Variants in PLXNC1 observed in about 807,000 individuals in gnomAD.
The protein encoded by PLXNC1 is plexin C1, also known as plexin-C1.
PLXNC1 carries 75 observed loss-of-function variants against 178.2 expected under a neutral mutation model. The observed-to-expected ratio is 0.42, with a 90% CI of 0.35 to 0.51. The LOEUF (loss-of-function observed/expected upper bound fraction) is 0.51, where lower values mean the gene tolerates loss of function less well. PLXNC1 is among the 20% of genes least tolerant of loss of function. The pLI is 0.02. For synonymous variants in PLXNC1, 790 were observed against 779.9 expected (o/e 1.01, Z -0.22); for missense variants, 1,503 against 1,984.4 (o/e 0.76, Z 4.61).
intron 9 of PLXNC1, among the ~76,000 whole-genome samples, chr12:94,229,032 G>C (rs904678649): frequency 1.3e-5 from 2 of 152,104 alleles, no homozygotes; most frequent in Non-Finnish European, 2.9e-5. Context: ...CAGTGCACAA[G>C]GGTTCCAGTT....
chr12:94,287,181 T>C (rs1171079830), intron 23 of PLXNC1, among the ~76,000 whole-genome samples: 1 of 152,258 alleles, frequency 6.6e-6, no homozygotes, highest in Non-Finnish European at 1.5e-5. Flanking sequence ...TCCAGTGTCA[T>C]TCTGTCCTGT....
intron 9 of PLXNC1, among the ~76,000 whole-genome samples, chr12:94,235,081 C>T (rs561420025): frequency 6.6e-6 from 1 of 152,080 alleles, no homozygotes; most frequent in Non-Finnish European, 1.5e-5. Flanking sequence ...AGAGGTTCCA[C>T]CAGCAAACAA....
chr12:94,292,842 T>C (rs944492479), intron 23 of PLXNC1, among the ~76,000 whole-genome samples: 1 of 152,250 alleles, frequency 6.6e-6, no homozygotes, highest in Non-Finnish European at 1.5e-5. Context: ...TGGAGCATTT[T>C]GAATTTTCGG....
At chr12:94,160,071 G>C (rs17022088) in intron 1 of PLXNC1, among the ~76,000 whole-genome samples, 26,637 of 152,090 alleles carry the variant, frequency 0.18, 2,411 homozygotes, top group East Asian at 0.3. Flanking sequence ...TGCTAAGTAG[G>C]GAGTTGGCAA....
chr12:94,168,040 A>G (rs1961687658), intron 1 of PLXNC1: 1 of 152,230 alleles, frequency 6.6e-6, no homozygotes, highest in African/African-American at 2.4e-5. Context: ...ATAAGACATA[A>G]ATTGAAAGAC....
intron 21 of PLXNC1, among the ~76,000 whole-genome samples, chr12:94,273,839 G>GC (rs1965736486): frequency 6.6e-6 from 1 of 152,148 alleles, no homozygotes; most frequent in African/African-American, 2.4e-5. Flanking sequence ...AACTAAGGAT[G>GC]CCTGAAATAG....
intron 2 of PLXNC1, among the ~76,000 whole-genome samples, chr12:94,171,437 C>T (rs1366286044): frequency 1.3e-5 from 2 of 152,168 alleles, no homozygotes; most frequent in Non-Finnish European, 2.9e-5. Flanking sequence ...CGAATTCAGT[C>T]CTCTCCATGA....
Position 94,303,789 on chromosome 12 carries a change from G to A in PLXNC1, c.4420G>A (p.Asp1474Asn), listed in dbSNP as rs1968726936. 6.3e-7 allele frequency: 1 copy of A among 1,596,564 alleles called. No homozygotes were observed. Among genetic ancestry groups the A allele is most frequent in the Non-Finnish European group, 8.5e-7 (1 of 1,173,676 alleles). ...APTNKLLYAK[D>N]IPTYKEEVKS... ...AACTAATAAGCTTCTCTATGCCAAG[G>A]ATATCCCAACCTACAAAGAAGAAGT... Residue 1474 changes from aspartate to asparagine, a missense_variant, in exon 29 of 31, where the codon GAT (aspartate) becomes AAT (asparagine). Asp to Asn is a conservative substitution (Grantham distance 23). Around this residue, in one of 4 missense-constraint regions of PLXNC1, gnomAD observed 639 missense variants for 979.7 expected, o/e 0.65. Transcript: ENST00000258526.
chr12:94,187,178 GAGAGAGAGAGAGAGAA>G (rs1433056773), intron 4 of PLXNC1, among the ~76,000 whole-genome samples: 1 of 79,520 alleles, frequency 1.3e-5, no homozygotes, highest in Non-Finnish European at 3.4e-5. Flanking sequence ...GCAGGAAAGA[GAGAGAGAGAGAGAGAA>G]AAAAAAACCC....
intron 12 of PLXNC1, among the ~76,000 whole-genome samples, chr12:94,244,384 G>A (rs1266387982): frequency 6.6e-6 from 1 of 152,234 alleles, no homozygotes; most frequent in Non-Finnish European, 1.5e-5. Flanking sequence ...TCTGTGAAGA[G>A]TAGGTGGTAT....
rs115238652 is a variant in PLXNC1 at position 94,302,038 on chromosome 12, C to A, written c.4386+981C>A. On this transcript the variant is annotated intron_variant, in intron 28 of 30. Transcript: ENST00000258526. ...TAATTGGTGTCCTTGCCCCTGCTGT[C>A]CACCTTTCCTTCTAAACTTTTCCTT... Among the ~76,000 whole-genome samples the A allele has an allele frequency of 2.9e-4, 44 of 152,302 alleles. 1 individual carries two copies. Among genetic ancestry groups the A allele is most frequent in the African/African-American group, 1.0e-3 (42 of 41,572 alleles).
chr12:94,193,906 G>A (rs1183204455), intron 4 of PLXNC1, among the ~76,000 whole-genome samples: 2 of 152,144 alleles, frequency 1.3e-5, no homozygotes, highest in Non-Finnish European at 2.9e-5. Context: ...CAGCCTATGA[G>A]GACAGAGGAA....
intron 4 of PLXNC1, among the ~76,000 whole-genome samples, chr12:94,193,977 A>G (rs1565803481): frequency 6.6e-6 from 1 of 152,196 alleles, no homozygotes; most frequent in Non-Finnish European, 1.5e-5. Flanking sequence ...TGGGTAATTT[A>G]TAAAGAAAAG....
chr12:94,275,877 A>G (rs1004390608), intron 21 of PLXNC1, among the ~76,000 whole-genome samples: 2 of 85,218 alleles, frequency 2.3e-5, no homozygotes, highest in Non-Finnish European at 4.7e-5. Flanking sequence ...AAAAAAAAAA[A>G]AAAAGAAACT....
rs772284730 is a variant in PLXNC1 at position 94,237,647 on chromosome 12, TC to T, written c.1981-16del. The T allele has an allele frequency of 6.2e-7, 1 of 1,608,700 alleles. No individual in the cohort carries two copies. Among genetic ancestry groups the T allele is most frequent in the Non-Finnish European group, 8.5e-7 (1 of 1,176,530 alleles). On this transcript the variant is annotated splice_polypyrimidine_tract_variant and intron_variant, in intron 9 of 30. Coordinates refer to ENST00000258526, the MANE Select transcript of PLXNC1 (RefSeq NM_005761.3). ...TCTTAGCTTTGATCTCCTGTTTTAA[TC>T]TTTTCTTTCCAATAGGTCTTCTACA...
chr12:94,166,539 T>G (rs1961618814), intron 1 of PLXNC1, among the ~76,000 whole-genome samples: 2 of 145,244 alleles, frequency 1.4e-5, no homozygotes, highest in Non-Finnish European at 3.0e-5. Flanking sequence ...ATTATTATTA[T>G]TATTATTATT....
At chr12:94,214,393 C>T (rs1368034374) in intron 5 of PLXNC1, among the ~76,000 whole-genome samples, 1 of 152,166 alleles carries the variant, frequency 6.6e-6, no homozygotes, top group Non-Finnish European at 1.5e-5. Context: ...ATCCTAGAAA[C>T]ATTCTTTTAC....
chr12:94,263,198 C>A (rs1965049457), intron 20 of PLXNC1, among the ~76,000 whole-genome samples: 1 of 151,988 alleles, frequency 6.6e-6, no homozygotes, highest in Non-Finnish European at 1.5e-5. Flanking sequence ...TCCTCCCCCA[C>A]CGCCTCCCCG....
intron 4 of PLXNC1, among the ~76,000 whole-genome samples, chr12:94,205,809 C>A (rs1179293042): frequency 6.6e-6 from 1 of 152,200 alleles, no homozygotes; most frequent in Non-Finnish European, 1.5e-5. Context: ...TGGCCCAGCT[C>A]CACCCTGCAA....
Sources: gnomAD v4.1 joint callset for allele counts (sites outside exome capture counted in the v4.1 genomes callset) on GRCh38, gnomAD v4.1.1 for gene constraint, gnomAD v4.1.1 regional missense constraint, MANE v1.5 for transcripts, NCBI Gene and HGNC (gene_info 2026-07-23, HGNC 2026-07-21) for gene names.